Variants in VWA3B observed in about 807,000 individuals in gnomAD.
VWA3B encodes von Willebrand factor A domain containing 3B.
Under a neutral mutation model 158.3 loss-of-function variants are expected in VWA3B, and 138 were observed. The observed-to-expected ratio is 0.87, with a 90% CI of 0.76 to 1.00. The LOEUF (loss-of-function observed/expected upper bound fraction) is 1.00, where lower values mean the gene tolerates loss of function less well. VWA3B is among the 50% of genes least tolerant of loss of function. VWA3B has a pLI of 0.00. For missense variants in VWA3B, 1,555 were observed against 1,565.1 expected, an observed-to-expected ratio of 0.99 and a Z score of 0.11; for synonymous variants, 596 against 587.3, an observed-to-expected ratio of 1.01 and a Z score of -0.21.
chr2:98,248,801 C>A (rs909801656), intron 19 of VWA3B, among the ~76,000 whole-genome samples: 1 of 151,926 alleles, frequency 6.6e-6, no homozygotes, highest in Non-Finnish European at 1.5e-5. Context: ...GTCCCTTTCT[C>A]TCTGTCTCTC....
chr2:98,119,353 T>C (rs1297739200), intron 3 of VWA3B, among the ~76,000 whole-genome samples, 160 bp from the exon 4 acceptor site: 3 of 152,154 alleles, frequency 2.0e-5, no homozygotes, highest in African/African-American at 7.2e-5. Context: ...ATCCAAGCGT[T>C]TTTCTGTTGA....
rs368264897 is a variant in VWA3B, at chr2:98,220,613, A to T, written c.2019+2585A>T. Among the ~76,000 whole-genome samples the T allele has an allele frequency of 7.2e-5, 11 of 152,232 alleles. No homozygotes were observed. In the East Asian group the frequency reaches 1.2e-3, roughly 16 times the overall value. ...AATCCCATTACTCGGTATATACCCAAAGGAATTTAAATCATTCTACTATAA... is the reference window on the plus strand; with the variant it reads ...AATCCCATTACTCGGTATATACCCATAGGAATTTAAATCATTCTACTATAA... On this transcript the variant is annotated intron_variant, in intron 14 of 27. Transcript: ENST00000477737.
At chr2:98,106,434 G>A (rs1223298170) in intron 2 of VWA3B, among the ~76,000 whole-genome samples, 2 of 151,978 alleles carry the variant, frequency 1.3e-5, no homozygotes, top group Non-Finnish European at 2.9e-5. Context: ...ATATTGATAG[G>A]AGTTGCATTA....
chr2:98,234,582 T>C (rs1685551298), intron 16 of VWA3B, 66 bp from the exon 17 acceptor site: 2 of 1,604,224 alleles, frequency 1.2e-6, no homozygotes, highest in Non-Finnish European at 1.7e-6. Context: ...ATAAAATAGT[T>C]ATATCTAATG....
chr2:98,298,102 G>A, intron 24 of VWA3B, 71 bp downstream of exon 24: 4 of 1,364,388 alleles, frequency 2.9e-6, no homozygotes, highest in South Asian at 2.0e-5. Context: ...AGAACGCCAA[G>A]GCCACTGTTT....
At chr2:98,196,322 G>T (rs1466245215) in intron 12 of VWA3B, among the ~76,000 whole-genome samples, 3 of 151,868 alleles carry the variant, frequency 2.0e-5, no homozygotes, top group South Asian at 4.2e-4. Context: ...TAATTAGCTT[G>T]GTTTACTCAT....
intron 26 of VWA3B, among the ~76,000 whole-genome samples, chr2:98,306,081 C>A (rs1193136181): frequency 1.3e-5 from 2 of 152,108 alleles, no homozygotes; most frequent in Non-Finnish European, 2.9e-5. Flanking sequence ...GGTCTCTGTG[C>A]CTTCACCAGA....
At chr2:98,099,757 C>T (rs1355685520) in intron 2 of VWA3B, among the ~76,000 whole-genome samples, 2 of 151,852 alleles carry the variant, frequency 1.3e-5, no homozygotes, top group African/African-American at 4.8e-5. Flanking sequence ...TTCCCTTTTT[C>T]TTTTTTATTT....
the VWA3B span, among the ~76,000 whole-genome samples, chr2:98,321,098 T>C: frequency 6.6e-6 from 1 of 152,254 alleles, no homozygotes; most frequent in African/African-American, 2.4e-5. Context: ...CTCAGGCTGT[T>C]GCTTCAGAGG....
chr2:98,207,362 T>C (rs955752838), intron 12 of VWA3B: 18 of 486,056 alleles, frequency 3.7e-5, no homozygotes, highest in African/African-American at 2.7e-4. Context: ...TCTCACATCA[T>C]GGATCCCAAC....
Position 98,228,197 on chromosome 2 carries a change from G to T in VWA3B, c.2020-5G>T. The T allele has an allele frequency of 6.2e-7, 1 of 1,607,956 alleles. No individual in the cohort carries two copies. The highest frequency in any genetic ancestry group is 1.1e-5 in the South Asian group (1 of 89,718). On this transcript the variant is annotated splice_polypyrimidine_tract_variant and splice_region_variant and intron_variant, in intron 14 of 27. Coordinates refer to ENST00000477737, the MANE Select transcript of VWA3B (RefSeq NM_144992.5). The stretch of plus-strand genomic sequence containing the variant: ...TTATAGCATATTCACTTCTCATTTT[G>T]GCAGAATGAAGATCTGACTCTTTTA...
the VWA3B span, among the ~76,000 whole-genome samples, chr2:98,321,054 C>T: frequency 6.6e-6 from 1 of 152,234 alleles, no homozygotes; most frequent in Non-Finnish European, 1.5e-5. Flanking sequence ...TGCATCCCAG[C>T]TGTTTCAGCT....
chr2:98,192,847 C>G (rs755308644), intron 10 of VWA3B, 51 bp from the exon 11 acceptor site: 1 of 1,613,538 alleles, frequency 6.2e-7, no homozygotes, highest in African/African-American at 1.3e-5. Context: ...GGAAGATGCT[C>G]TTGTTGCCTG....
intron 12 of VWA3B, among the ~76,000 whole-genome samples, chr2:98,198,244 CA>C (rs1021172994): frequency 1.3e-5 from 2 of 152,112 alleles, no homozygotes; most frequent in Non-Finnish European, 2.9e-5. Context: ...TTACCTATAA[CA>C]TATTTACTTA....
At chr2:98,163,090 G>A (rs1678766289) in intron 8 of VWA3B, 114 bp downstream of exon 8, 7 of 1,511,652 alleles carry the variant, frequency 4.6e-6, no homozygotes, top group Middle Eastern at 1.9e-4. Context: ...GCTGCGAGGG[G>A]CTGCTGAGGA....
intron 10 of VWA3B, among the ~76,000 whole-genome samples, chr2:98,189,296 G>A (rs529331318): frequency 3.3e-5 from 5 of 152,224 alleles, no homozygotes; most frequent in African/African-American, 9.6e-5. Context: ...AGTCCCAGCC[G>A]TTCGGGAGGC....
At chr2:98,205,522 A>C (rs1244449873) in intron 12 of VWA3B, among the ~76,000 whole-genome samples, 1 of 152,086 alleles carries the variant, frequency 6.6e-6, no homozygotes, top group Non-Finnish European at 1.5e-5. Context: ...GAATTTTATT[A>C]ATTTCTGTTC....
At chr2:98,206,961 G>T in intron 12 of VWA3B, 1 of 479,724 alleles carries the variant, frequency 2.1e-6, no homozygotes, top group South Asian at 1.5e-5. Context: ...AAGGTCAGAT[G>T]AATGAACCAC....
chr2:98,100,252 A>C (rs1247529400), intron 2 of VWA3B, among the ~76,000 whole-genome samples: 1 of 152,220 alleles, frequency 6.6e-6, no homozygotes, highest in Non-Finnish European at 1.5e-5. Context: ...ATTCTGGGCA[A>C]GTCTTCTGGT....
Sources: gnomAD v4.1 joint callset for allele counts (sites outside exome capture counted in the v4.1 genomes callset) on GRCh38, gnomAD v4.1.1 for gene constraint, MANE v1.5 for transcripts, NCBI Gene and HGNC (gene_info 2026-07-23, HGNC 2026-07-21) for gene names.